The following SETD5 variants were observed in gnomAD, a reference collection of about 807,000 sequenced individuals.
SETD5 encodes the protein SET domain containing 5, also known as histone-lysine N-methyltransferase SETD5.
In SETD5, 44 loss-of-function variants were observed where a neutral mutation model predicts 153.3. The ratio of observed to expected loss-of-function variants is 0.29; its 90% CI spans 0.23 to 0.37. The LOEUF (loss-of-function observed/expected upper bound fraction) is 0.37, where lower values mean the gene tolerates loss of function less well. Ranked by LOEUF, SETD5 falls within the 10% of genes least tolerant of loss-of-function variation. The pLI is 1.00. For synonymous variants in SETD5, 716 were observed against 645.2 expected, an observed-to-expected ratio of 1.11 and a Z score of -1.66; for missense variants, 1,544 against 1,768.0, an observed-to-expected ratio of 0.87 and a Z score of 2.27.
At chr3:9,426,590 A>G (rs759580782) in intron 2 of SETD5, among the ~76,000 whole-genome samples, 84 of 152,106 alleles carry the variant, frequency 5.5e-4, no homozygotes, top group Admixed American at 2.4e-3. Context: ...AAGGGGTTTC[A>G]CCACATTGGC....
Position 9,470,700 on chromosome 3 carries a change from C to T in SETD5, c.2966C>T (p.Pro989Leu). ...TEFNLMYAYS[P>L]LNAMPRADGL... ...TTCAACTTGATGTATGCCTACTCCC[C>T]TTTGAATGCTATGCCTCGAGCAGAT... The change falls in exon 19 of 23, where the codon CCT becomes CTT. Residue 989 changes from proline to leucine, a missense_variant. Physicochemically the swap from Pro to Leu is moderately conservative, Grantham distance 98. This residue lies in a region of SETD5 where 782 missense variants were observed against 787.2 expected (regional missense o/e 0.99). Coordinates refer to ENST00000402198, the MANE Select transcript of SETD5 (RefSeq NM_001080517.3). The T allele has an allele frequency of 6.2e-7, 1 of 1,614,032 alleles. No homozygotes were observed. The highest frequency in any genetic ancestry group is 1.1e-5 in the South Asian group (1 of 91,082).
At chr3:9,453,317 A>G (rs1456859995) in intron 16 of SETD5, among the ~76,000 whole-genome samples, 1 of 152,124 alleles carries the variant, frequency 6.6e-6, no homozygotes, top group African/African-American at 2.4e-5. Context: ...ACACGTCTCT[A>G]GCACGGGGCA....
chr3:9,401,535 T>TG (rs1464136844), intron 1 of SETD5, among the ~76,000 whole-genome samples: 1 of 152,202 alleles, frequency 6.6e-6, no homozygotes, highest in Non-Finnish European at 1.5e-5. Context: ...CTGGCTTTTC[T>TG]GGGGAGAATG....
chr3:9,425,032 A>ATTTATAG (rs1039517045), intron 2 of SETD5, among the ~76,000 whole-genome samples: 1 of 146,842 alleles, frequency 6.8e-6, no homozygotes, highest in African/African-American at 2.6e-5. Context: ...TGAAATAGAA[A>ATTTATAG]TTTATAGTTA....
In SETD5 at chr3:9,448,546, C is replaced by T. The variant is rs2042271158; in HGVS notation, c.2262C>T (p.His754=). ...HSPLICTTPK[H]YIRFGSPFIP... ...CGTTAATTTGCACCACCCCCAAACA[C>T]TACATTCGCTTTGGCTCACCCTTTA... Residue 754 remains histidine (H), a synonymous_variant, in exon 16 of 23, where the codon CAC becomes CAT. Transcript: ENST00000402198. The T allele has an allele frequency of 1.9e-6, 3 of 1,613,820 alleles. No homozygotes were observed. Among genetic ancestry groups the T allele is most frequent in the Admixed American group, 3.3e-5 (2 of 59,996 alleles).
At chr3:9,410,965 T>G (rs1390987891) in intron 1 of SETD5, among the ~76,000 whole-genome samples, 1 of 151,934 alleles carries the variant, frequency 6.6e-6, no homozygotes, top group Non-Finnish European at 1.5e-5. Flanking sequence ...CTCAGCTCAC[T>G]GCAACCTAGG....
chr3:9,432,452 C>CAAGTCAT, intron 3 of SETD5: 1 of 229,648 alleles, frequency 4.4e-6, no homozygotes, highest in Non-Finnish European at 7.2e-6. Context: ...GAAAAAATGA[C>CAAGTCAT]TTGTTATTTC....
rs1575466838 is a variant in SETD5 at position 9,447,131 on chromosome 3, T to C, written c.1606T>C (p.Leu536=). Residue 536 remains leucine (L), a synonymous_variant, in exon 14 of 23, where the codon TTG becomes CTG. Coordinates refer to ENST00000402198, the MANE Select transcript of SETD5 (RefSeq NM_001080517.3). ...EKRKKRRDQP[L]EQSNSDVEIT... ...AAGAAAGAAGCGGCGGGATCAGCCC[T>C]TGGAACAGAGCAACTCTGATGTAGA... 6.2e-7 allele frequency: 1 copy of C among 1,614,022 alleles called. No homozygotes were observed. The highest frequency in any genetic ancestry group is 1.1e-5 in the South Asian group (1 of 91,080).
chr3:9,470,421 C>A lies in SETD5; in HGVS notation c.2725-38C>A, dbSNP rs143564083. The stretch of plus-strand genomic sequence containing the variant: ...TCTGCCCTTTGACTTTTTCCTTTCT[C>A]CCCTACCCCATGTCTCCGTTGATTT... On this transcript the variant is annotated intron_variant, in intron 18 of 22. Transcript: ENST00000402198. 4 of 1,537,780 alleles carry A rather than the reference C, an allele frequency of 2.6e-6. No individual in the cohort carries two copies. In the East Asian group the frequency reaches 6.8e-5, roughly 26 times the overall value.
chr3:9,455,167 TC>T (rs141599173), intron 17 of SETD5, among the ~76,000 whole-genome samples: 2 of 140,130 alleles, frequency 1.4e-5, no homozygotes, highest in African/African-American at 2.6e-5. Flanking sequence ...TTTCTTTTTT[TC>T]TTTTTTTTTT....
intron 7 of SETD5, among the ~76,000 whole-genome samples, chr3:9,439,053 A>G (rs747975672): frequency 9.2e-5 from 14 of 152,304 alleles, no homozygotes; most frequent in South Asian, 4.1e-4. Context: ...AATACAGTAC[A>G]CTTATCAAGT....
chr3:9,422,125 G>A (rs920207663), intron 1 of SETD5, among the ~76,000 whole-genome samples: 1 of 151,952 alleles, frequency 6.6e-6, no homozygotes, highest in Admixed American at 6.6e-5. Context: ...AGGAGATGAG[G>A]ATTCTAGGGA....
At chr3:9,457,830 T>A (rs2043450088) in intron 17 of SETD5, among the ~76,000 whole-genome samples, 1 of 151,120 alleles carries the variant, frequency 6.6e-6, no homozygotes, top group Non-Finnish European at 1.5e-5. Context: ...ATATATATAT[T>A]TCTTTCTCTT....
At chr3:9,453,137 C>T (rs548363377) in intron 16 of SETD5, among the ~76,000 whole-genome samples, 11 of 152,066 alleles carry the variant, frequency 7.2e-5, no homozygotes, top group Non-Finnish European at 1.5e-4. Context: ...AAGCTCATTT[C>T]GTGATTTGCA....
At chr3:9,424,415 G>A (rs2038855176) in intron 1 of SETD5, 52 bp from the exon 2 acceptor site, 1 of 152,138 alleles carries the variant, frequency 6.6e-6, no homozygotes, top group Non-Finnish European at 1.5e-5. Flanking sequence ...CATTCTGTGT[G>A]TTCATCAATG....
At chr3:9,449,390 C>A (rs976749367) in intron 16 of SETD5, 23 of 152,108 alleles carry the variant, frequency 1.5e-4, no homozygotes, top group African/African-American at 5.6e-4. Flanking sequence ...TGTCGTTTTC[C>A]ATGTTTCTAG....
At chr3:9,426,546 G>A (rs1270059117) in intron 2 of SETD5, among the ~76,000 whole-genome samples, 1 of 151,842 alleles carries the variant, frequency 6.6e-6, no homozygotes, top group Non-Finnish European at 1.5e-5. Flanking sequence ...ACCAGCGTGT[G>A]CCACTACAGC....
chr3:9,455,673 G>C (rs2043148004), intron 17 of SETD5, among the ~76,000 whole-genome samples: 1 of 152,014 alleles, frequency 6.6e-6, no homozygotes, highest in Non-Finnish European at 1.5e-5. Flanking sequence ...GTGTTAGTAA[G>C]AATATAACTT....
At chr3:9,402,622 G>C (rs2034982480) in intron 1 of SETD5, among the ~76,000 whole-genome samples, 1 of 152,080 alleles carries the variant, frequency 6.6e-6, no homozygotes, top group African/African-American at 2.4e-5. Flanking sequence ...TGTTCTTATG[G>C]GTTCGTTGTG....
Sources: gnomAD v4.1 joint callset for allele counts (sites outside exome capture counted in the v4.1 genomes callset) on GRCh38, gnomAD v4.1.1 for gene constraint, gnomAD v4.1.1 regional missense constraint, MANE v1.5 for transcripts, NCBI Gene and HGNC (gene_info 2026-07-23, HGNC 2026-07-21) for gene names.